TBC1D23: variants seen among roughly 807,000 people sequenced by gnomAD.
TBC1D23 encodes TBC1 domain family member 23, also known as HCV non-structural protein 4A-transactivated protein 1.
A neutral mutation model predicts 91.4 loss-of-function variants in TBC1D23; 55 were observed. The observed-to-expected ratio is 0.60, with a 90% CI of 0.48 to 0.75. TBC1D23 has a LOEUF of 0.75. Among genes scored for constraint, TBC1D23 ranks in the 30% least tolerant of loss-of-function variants. TBC1D23 has a pLI of 0.00. For missense variants in TBC1D23, 725 were observed against 836.1 expected, an observed-to-expected ratio of 0.87 and a Z score of 1.64; for synonymous variants, 289 against 281.0, an observed-to-expected ratio of 1.03 and a Z score of -0.28.
rs556435828 is a variant in TBC1D23, at chr3:100,297,799, G to C, written c.877-124G>C. 2.4e-4 allele frequency: 181 copies of C among 759,622 alleles called. 1 individual carries two copies. The South Asian group carries it at 4.2e-3, about 18-fold the overall frequency. 47.1% of individuals were successfully genotyped at this position (759,622 alleles called of 1,614,324 possible). On this transcript the variant is annotated intron_variant, in intron 8 of 18. Coordinates refer to ENST00000394144, the MANE Select transcript of TBC1D23 (RefSeq NM_001199198.3). The stretch of plus-strand genomic sequence containing the variant: ...AAAATTTGAGATTATGTAGTATTAA[G>C]TTTTAAAAAATCACAACTCAAGAGT...
At chr3:100,297,895 T>G in intron 8 of TBC1D23, 28 bp from the exon 9 acceptor site, 2 of 1,534,398 alleles carry the variant, frequency 1.3e-6, no homozygotes, top group Non-Finnish European at 8.9e-7. Context: ...TTTTTTTTCA[T>G]AATGTTTAAA....
In TBC1D23 at chr3:100,279,067, C is replaced by G. The variant is rs184997490; in HGVS notation, c.54-582C>G. 1.8e-3 allele frequency among the ~76,000 whole-genome samples: 270 copies of G among 152,318 alleles called. 1 individual carries two copies. Among genetic ancestry groups the G allele is most frequent in the Middle Eastern group, 0.017 (5 of 294 alleles). ...GACTGTTAAAATTTGAATCCTGGCT[C>G]TACTGCTGATATGACATGTGACCAT... On this transcript the variant is annotated intron_variant, in intron 1 of 18. Transcript: ENST00000394144.
intron 4 of TBC1D23, among the ~76,000 whole-genome samples, chr3:100,285,196 A>C (rs140610960): frequency 1.3e-5 from 2 of 152,220 alleles, no homozygotes; most frequent in Non-Finnish European, 2.9e-5. Context: ...AATTATAGTC[A>C]CAGAGTTGTA....
intron 1 of TBC1D23, among the ~76,000 whole-genome samples, chr3:100,276,086 T>TAA (rs71625558): frequency 1.4e-5 from 2 of 138,678 alleles, no homozygotes; most frequent in South Asian, 2.3e-4. Flanking sequence ...AGATACTTGT[T>TAA]AAAAAAAAAA....
chr3:100,263,086 C>T (rs1481592533), intron 1 of TBC1D23, among the ~76,000 whole-genome samples: 1 of 152,130 alleles, frequency 6.6e-6, no homozygotes, highest in African/African-American at 2.4e-5. Flanking sequence ...TGCAGGCGGG[C>T]TGAGTCCGAA....
chr3:100,276,086 TA>T (rs71625558), intron 1 of TBC1D23, among the ~76,000 whole-genome samples: 39,488 of 138,556 alleles, frequency 0.28, 5,529 homozygotes, highest in East Asian at 0.51. Flanking sequence ...AGATACTTGT[TA>T]AAAAAAAAAA....
chr3:100,304,020 T>A (rs182262367), intron 11 of TBC1D23, among the ~76,000 whole-genome samples: 93 of 152,320 alleles, frequency 6.1e-4, no homozygotes, highest in Non-Finnish European at 1.1e-3. Context: ...TTAAAAAAAA[T>A]TTAACTAGTG....
At chr3:100,314,021 C>G (rs919538520) in intron 15 of TBC1D23, among the ~76,000 whole-genome samples, 3 of 149,322 alleles carry the variant, frequency 2.0e-5, no homozygotes, top group Non-Finnish European at 4.4e-5. Flanking sequence ...TTGTTATACA[C>G]TAAACTCTCA....
rs1050733777 is a variant in TBC1D23 at position 100,316,459 on chromosome 3, A to G, written c.1687+272A>G. Among the ~76,000 whole-genome samples, 24 of 152,022 alleles carry G rather than the reference A, an allele frequency of 1.6e-4. 1 individual carries two copies. The highest frequency in any genetic ancestry group is 6.6e-4 in the Admixed American group (10 of 15,256). ...ACCCTAAAACTTAAAGTATAATAAT[A>G]ATAAAATTTTAAAAAAAAGGAATCC... On this transcript the variant is annotated intron_variant, in intron 16 of 18. Transcript: ENST00000394144.
intron 12 of TBC1D23, 137 bp from the exon 13 acceptor site, chr3:100,306,300 A>G (rs920346940): frequency 9.9e-5 from 58 of 586,924 alleles, no homozygotes; most frequent in Non-Finnish European, 1.6e-4. Flanking sequence ...ACAGACGTGC[A>G]GAAAGAAATA....
intron 1 of TBC1D23, among the ~76,000 whole-genome samples, chr3:100,265,727 C>T (rs1385417741): frequency 6.6e-6 from 1 of 152,068 alleles, no homozygotes; most frequent in Admixed American, 6.5e-5. Context: ...ACTTAATATT[C>T]AACTTTTAAT....
intron 15 of TBC1D23, among the ~76,000 whole-genome samples, chr3:100,314,494 G>C (rs567343786): frequency 1.3e-5 from 2 of 152,166 alleles, no homozygotes; most frequent in Non-Finnish European, 2.9e-5. Context: ...TAAAGGCCAA[G>C]TGTGGTGGTT....
intron 14 of TBC1D23, 61 bp downstream of exon 14, chr3:100,310,603 TAG>T: frequency 7.7e-7 from 1 of 1,300,408 alleles, no homozygotes; most frequent in Non-Finnish European, 1.1e-6. Context: ...AACAATGTCT[TAG>T]AGTAAGTAAA....
intron 13 of TBC1D23, among the ~76,000 whole-genome samples, chr3:100,307,894 T>C (rs1462058420): frequency 6.6e-6 from 1 of 152,196 alleles, no homozygotes; most frequent in Admixed American, 6.5e-5. Flanking sequence ...GTCCTGGAAG[T>C]GGAATAACTT....
intron 1 of TBC1D23, among the ~76,000 whole-genome samples, chr3:100,263,121 G>A (rs1362911550): frequency 1.3e-5 from 2 of 152,210 alleles, no homozygotes; most frequent in African/African-American, 2.4e-5. Context: ...AGGGAGATAA[G>A]GGCGGGGCCG....
rs768581587 is a variant in TBC1D23 at position 100,306,472 on chromosome 3, G to A, written c.1342G>A (p.Gly448Arg). The A allele has an allele frequency of 3.7e-6, 6 of 1,612,046 alleles. 1 individual carries two copies. The Admixed American group carries it at 6.7e-5, about 18-fold the overall frequency. The change falls in exon 13 of 19, where the codon GGA becomes AGA. Residue 448 changes from glycine (G) to arginine (R), a missense_variant. Physicochemically the swap from Gly to Arg is moderately radical, Grantham distance 125. Coordinates refer to ENST00000394144, the MANE Select transcript of TBC1D23 (RefSeq NM_001199198.3). ...GCACCTGGCAGACATTAATGTGGAT[G>A]GACCAGAAAATGGATATGGCCATTG... The part of the protein sequence containing the change: ...QQHLADINVD[G>R]PENGYGHWIA...
intron 5 of TBC1D23, among the ~76,000 whole-genome samples, chr3:100,292,401 AAGAC>A (rs1250095732): frequency 6.6e-6 from 1 of 152,184 alleles, no homozygotes; most frequent in Non-Finnish European, 1.5e-5. Context: ...TGTGTGATCT[AAGAC>A]AGCCTCTGAG....
chr3:100,321,119 C>T (rs557977258), intron 18 of TBC1D23, 148 bp downstream of exon 18: 5 of 617,992 alleles, frequency 8.1e-6, no homozygotes, highest in Non-Finnish European at 1.4e-5. Context: ...ATCTCTTTCT[C>T]CGGAGTCCTT....
Position 100,281,845 on chromosome 3 carries a change from T to G in TBC1D23, c.269T>G (p.Ile90Ser). 1 of 1,595,180 alleles carries G rather than the reference T, an allele frequency of 6.3e-7. No individual in the cohort carries two copies. The highest frequency in any genetic ancestry group is 8.6e-7 in the Non-Finnish European group (1 of 1,166,688). ...ATTCACAAAGATTGCCTGCAGTTTA[T>G]TGGTAAGCTGAATAATCACTTTCAA... ...NTIHKDCLQF[I>S]DQLSVPEEKA... The change falls in exon 3 of 19, where the codon ATT becomes AGT. Residue 90 changes from isoleucine to serine, a missense_variant and splice_region_variant. Coordinates refer to ENST00000394144, the MANE Select transcript of TBC1D23 (RefSeq NM_001199198.3).
Sources: gnomAD v4.1 joint callset for allele counts (sites outside exome capture counted in the v4.1 genomes callset) on GRCh38, gnomAD v4.1.1 for gene constraint, MANE v1.5 for transcripts, NCBI Gene and HGNC (gene_info 2026-07-23, HGNC 2026-07-21) for gene names.